RAPGEF4: variants seen among roughly 807,000 people sequenced by gnomAD.
The protein encoded by RAPGEF4 is Rap guanine nucleotide exchange factor 4.
Under a neutral mutation model 147.9 loss-of-function variants are expected in RAPGEF4, and 66 were observed. That is an observed-to-expected ratio of 0.45 (90% CI 0.37 to 0.55). The LOEUF is 0.55. Ranked by LOEUF, RAPGEF4 falls within the 20% of genes least tolerant of loss-of-function variation. RAPGEF4 has a pLI of 0.00. For synonymous variants in RAPGEF4, 419 were observed against 442.7 expected (o/e 0.95, Z 0.67); for missense variants, 1,071 against 1,257.3 (o/e 0.85, Z 2.24).
chr2:172,960,986 A>G, intron 7 of RAPGEF4, 136 bp from the exon 8 acceptor site: 1 of 833,524 alleles, frequency 1.2e-6, no homozygotes, highest in East Asian at 2.5e-5. Context: ...ACACAAGTGA[A>G]CAAAGTAAAG....
At chr2:172,799,107 T>C (rs1367781374) in intron 3 of RAPGEF4, among the ~76,000 whole-genome samples, 1 of 152,204 alleles carries the variant, frequency 6.6e-6, no homozygotes, top group East Asian at 1.9e-4. Flanking sequence ...TCTTGGATAT[T>C]TGCCATATCC....
At chr2:172,836,674 A>T (rs17705852) in intron 4 of RAPGEF4, among the ~76,000 whole-genome samples, 2,278 of 152,298 alleles carry the variant, frequency 0.015, 19 homozygotes, top group South Asian at 0.034. Context: ...ATTATTTGTA[A>T]GGCATGTGTA....
intron 1 of RAPGEF4, among the ~76,000 whole-genome samples, chr2:172,779,911 T>G (rs1291760528): frequency 6.6e-6 from 1 of 152,240 alleles, no homozygotes; most frequent in Non-Finnish European, 1.5e-5. Flanking sequence ...TCTCCCTCTC[T>G]TGTATTCTAG....
intron 1 of RAPGEF4, among the ~76,000 whole-genome samples, chr2:172,751,203 C>T (rs956308201): frequency 6.6e-6 from 1 of 152,162 alleles, no homozygotes; most frequent in African/African-American, 2.4e-5. Flanking sequence ...TTCCTACTGT[C>T]ATTCACTCAT....
chr2:172,978,040 T>G (rs1691271845), intron 10 of RAPGEF4, among the ~76,000 whole-genome samples: 1 of 152,236 alleles, frequency 6.6e-6, no homozygotes, highest in Non-Finnish European at 1.5e-5. Flanking sequence ...TTTTTAGGCT[T>G]TGTTCCCTTT....
intron 3 of RAPGEF4, among the ~76,000 whole-genome samples, chr2:172,808,147 C>T (rs993648768): frequency 6.6e-6 from 1 of 152,232 alleles, no homozygotes; most frequent in African/African-American, 2.4e-5. Context: ...TTATATGACA[C>T]ATAACCATTG....
chr2:172,845,002 A>G (rs1449853241), intron 4 of RAPGEF4, among the ~76,000 whole-genome samples: 2 of 152,238 alleles, frequency 1.3e-5, no homozygotes, highest in African/African-American at 4.8e-5. Flanking sequence ...AATGGAATCC[A>G]TCTTCTTATT....
chr2:173,003,281 A>T (rs984819037), intron 17 of RAPGEF4, among the ~76,000 whole-genome samples: 1 of 152,156 alleles, frequency 6.6e-6, no homozygotes, highest in African/African-American at 2.4e-5. Context: ...GGAGGGGGAA[A>T]AATGATACTG....
At chr2:172,798,040 A>T (rs1686561062) in intron 3 of RAPGEF4, among the ~76,000 whole-genome samples, 1 of 152,192 alleles carries the variant, frequency 6.6e-6, no homozygotes, top group Admixed American at 6.5e-5. Context: ...TCGGCCTTGT[A>T]GGAGATCTTG....
chr2:172,875,288 T>C (rs1476383347), intron 4 of RAPGEF4, among the ~76,000 whole-genome samples: 1 of 152,224 alleles, frequency 6.6e-6, no homozygotes, highest in Non-Finnish European at 1.5e-5. Context: ...TTTGTTGCCA[T>C]CGCTTTTGGT....
chr2:173,036,130 T>G lies in RAPGEF4; in HGVS notation c.2706T>G (p.Pro902=), dbSNP rs769699651. ...FYAEFESLMD[P]SRNHRAYRLT... Reference sequence around the variant, plus strand: ...ATCTCTTTTTCTCTCCTAAGGACCCTTCAAGGAACCACAGGGCCTACAGGC... The same window carrying G: ...ATCTCTTTTTCTCTCCTAAGGACCCGTCAAGGAACCACAGGGCCTACAGGC... Residue 902 remains proline (P), a synonymous_variant, in exon 28 of 31, where the codon CCT becomes CCG. Transcript: ENST00000397081. 2.5e-6 allele frequency: 4 copies of G among 1,609,152 alleles called. No individual in the cohort carries two copies. The South Asian group carries it at 4.4e-5, about 18-fold the overall frequency.
chr2:173,046,086 A>G (rs1003543188), intron 29 of RAPGEF4, among the ~76,000 whole-genome samples: 11 of 152,348 alleles, frequency 7.2e-5, no homozygotes, highest in African/African-American at 2.6e-4. Context: ...ATTAAACATT[A>G]TTGTCCGGAC....
chr2:172,758,683 T>C (rs1464423491), intron 1 of RAPGEF4, among the ~76,000 whole-genome samples: 1 of 152,134 alleles, frequency 6.6e-6, no homozygotes, highest in Non-Finnish European at 1.5e-5. Context: ...CTAAGCATTT[T>C]GGGCTGGGTC....
At chr2:172,768,593 A>C (rs1697073209) in intron 1 of RAPGEF4, among the ~76,000 whole-genome samples, 1 of 152,060 alleles carries the variant, frequency 6.6e-6, no homozygotes, top group Admixed American at 6.5e-5. Context: ...GAAGAGTGCC[A>C]GTTGTAGGTG....
intron 17 of RAPGEF4, among the ~76,000 whole-genome samples, chr2:173,004,997 G>A (rs1030403088): frequency 6.6e-6 from 1 of 151,894 alleles, no homozygotes; most frequent in African/African-American, 2.4e-5. Context: ...GGGCAACAAG[G>A]GGGCAAAGAT....
chr2:173,005,194 A>G (rs1383983928), intron 17 of RAPGEF4, among the ~76,000 whole-genome samples: 1 of 152,148 alleles, frequency 6.6e-6, no homozygotes, highest in East Asian at 1.9e-4. Flanking sequence ...CATGTATATG[A>G]AAATGTACAC....
chr2:172,847,087 T>C (rs16860979), intron 4 of RAPGEF4, among the ~76,000 whole-genome samples: 2,290 of 152,240 alleles, frequency 0.015, 62 homozygotes, highest in African/African-American at 0.053. Flanking sequence ...AATATAAGAA[T>C]TGGGGACATA....
At chr2:172,888,377 G>A (rs767051524) in intron 4 of RAPGEF4, among the ~76,000 whole-genome samples, 15 of 152,194 alleles carry the variant, frequency 9.9e-5, no homozygotes, top group African/African-American at 4.8e-5. Context: ...TTCCATGTGC[G>A]ACACCATCAA....
chr2:172,904,981 C>A (rs1023156149), intron 4 of RAPGEF4, among the ~76,000 whole-genome samples: 2 of 152,040 alleles, frequency 1.3e-5, no homozygotes, highest in African/African-American at 2.4e-5. Context: ...CCTGTCCTGG[C>A]CCCTGTGTGC....
Sources: gnomAD v4.1 joint callset for allele counts (sites outside exome capture counted in the v4.1 genomes callset) on GRCh38, gnomAD v4.1.1 for gene constraint, MANE v1.5 for transcripts, NCBI Gene and HGNC (gene_info 2026-07-23, HGNC 2026-07-21) for gene names.